Variants in SUMF1 observed in about 807,000 individuals in gnomAD.
SUMF1 encodes formylglycine-generating enzyme.
Under a neutral mutation model 47.6 loss-of-function variants are expected in SUMF1, and 48 were observed. The observed-to-expected ratio is 1.01, with a 90% confidence interval of 0.80 to 1.28. SUMF1 has a LOEUF of 1.28. SUMF1 is among the 50% of genes most tolerant of loss of function. SUMF1 has a pLI of 0.00. For missense variants in SUMF1, 571 were observed against 485.4 expected (o/e 1.18, Z -1.66); for synonymous variants, 230 against 192.1 (o/e 1.20, Z -1.63).
chr3:4,244,981 T>A (rs979728791), intron 8 of SUMF1, among the ~76,000 whole-genome samples: 6 of 152,096 alleles, frequency 3.9e-5, no homozygotes, highest in Admixed American at 2.0e-4. Context: ...CTTTATTTCA[T>A]TAATTTGATC....
intron 8 of SUMF1, among the ~76,000 whole-genome samples, chr3:4,340,881 T>C (rs140156298): frequency 0.015 from 2,247 of 152,354 alleles, 20 homozygotes; most frequent in Non-Finnish European, 0.021. Flanking sequence ...TTTGTTTTTT[T>C]ATTCCTGAAA....
chr3:4,312,776 G>C, intron 8 of SUMF1: 1 of 1,096,054 alleles, frequency 9.1e-7, no homozygotes, highest in Non-Finnish European at 1.3e-6. Flanking sequence ...GCTGTGTTTT[G>C]ACAGTTTTGT....
At chr3:4,435,314 T>C (rs944787440) in intron 3 of SUMF1, among the ~76,000 whole-genome samples, 1 of 151,898 alleles carries the variant, frequency 6.6e-6, no homozygotes. Context: ...TCAGAGAAAA[T>C]AGGGAACCTG....
chr3:4,256,843 T>G (rs1393815897), intron 8 of SUMF1, among the ~76,000 whole-genome samples: 1 of 112,724 alleles, frequency 8.9e-6, no homozygotes, highest in Non-Finnish European at 2.0e-5. Context: ...TTGATGAACA[T>G]TGATGCAAAA....
chr3:4,441,876 G>C (rs1255938600), intron 3 of SUMF1, among the ~76,000 whole-genome samples: 1 of 152,120 alleles, frequency 6.6e-6, no homozygotes, highest in East Asian at 1.9e-4. Flanking sequence ...GCCTCTCTAC[G>C]TATAAAACCA....
At chr3:4,152,171 A>T (rs1355776174) in intron 8 of SUMF1, among the ~76,000 whole-genome samples, 1 of 151,636 alleles carries the variant, frequency 6.6e-6, no homozygotes, top group Non-Finnish European at 1.5e-5. Flanking sequence ...GAACTGGAAA[A>T]ATTTTAATGT....
intron 8 of SUMF1, among the ~76,000 whole-genome samples, chr3:4,243,879 T>C (rs1221834256): frequency 1.3e-5 from 2 of 152,094 alleles, no homozygotes; most frequent in Non-Finnish European, 2.9e-5. Flanking sequence ...TCTCCGGTTA[T>C]TATGTAGGAA....
intron 8 of SUMF1, among the ~76,000 whole-genome samples, chr3:4,224,914 T>G (rs562310027): frequency 1.3e-5 from 2 of 152,138 alleles, no homozygotes; most frequent in Non-Finnish European, 2.9e-5. Flanking sequence ...TTCTATGGTC[T>G]GCACCACCAT....
intron 8 of SUMF1, among the ~76,000 whole-genome samples, chr3:4,136,708 T>C (rs1443280219): frequency 3.4e-5 from 5 of 148,654 alleles, no homozygotes; most frequent in Non-Finnish European, 7.5e-5. Context: ...GAGAAAATTT[T>C]TGCAATCTAC....
At chr3:4,210,019 C>T (rs1323552328) in intron 8 of SUMF1, among the ~76,000 whole-genome samples, 5 of 152,080 alleles carry the variant, frequency 3.3e-5, no homozygotes, top group Non-Finnish European at 5.9e-5. Context: ...CTCAGCCTCC[C>T]GAGTAGCTGA....
intron 8 of SUMF1, among the ~76,000 whole-genome samples, chr3:4,196,964 C>T (rs1651150631): frequency 6.6e-6 from 1 of 152,124 alleles, no homozygotes; most frequent in African/African-American, 2.4e-5. Flanking sequence ...TTACCAGGGA[C>T]ACTACAGCAA....
chr3:4,416,324 C>T (rs1478511151), intron 6 of SUMF1, among the ~76,000 whole-genome samples: 1 of 152,024 alleles, frequency 6.6e-6, no homozygotes, highest in African/African-American at 2.4e-5. Flanking sequence ...CAGAAATAAC[C>T]TGTTTCCAGT....
chr3:4,076,517 T>C (rs1473155978), intron 8 of SUMF1, among the ~76,000 whole-genome samples: 5 of 152,202 alleles, frequency 3.3e-5, no homozygotes, highest in African/African-American at 1.2e-4. Context: ...GTTAAAGAGC[T>C]TCTGCACAGC....
chr3:4,103,554 T>C (rs2125063575), intron 8 of SUMF1, among the ~76,000 whole-genome samples: 1 of 152,262 alleles, frequency 6.6e-6, no homozygotes, highest in South Asian at 2.1e-4. Context: ...TCTATCTCCC[T>C]TCTCGTATTT....
chr3:4,199,630 A>G (rs1013507217), intron 8 of SUMF1, among the ~76,000 whole-genome samples: 6 of 152,122 alleles, frequency 3.9e-5, no homozygotes, highest in African/African-American at 1.2e-4. Flanking sequence ...AATCTAAATA[A>G]CACATAGCAT....
chr3:4,386,184 T>C (rs889290233), intron 7 of SUMF1, among the ~76,000 whole-genome samples: 1 of 152,206 alleles, frequency 6.6e-6, no homozygotes, highest in African/African-American at 2.4e-5. Flanking sequence ...GGGATTTTGA[T>C]AGGAATTACA....
Position 4,259,718 on chromosome 3 carries a change from G to A in SUMF1, c.1014+116612C>T, listed in dbSNP as rs147796894. On this transcript the variant is annotated intron_variant and NMD_transcript_variant, in intron 8 of 12. Coordinates refer to the SUMF1 transcript ENST00000448413. ...CTTTGCCTAGAGCTCAGTAGTGAAA[G>A]CACAAAGCCTAATGGCAAAAGGCAA... Among the ~76,000 whole-genome samples, 281 of 152,220 alleles carry A rather than the reference G, an allele frequency of 1.8e-3. 2 individuals carry two copies. The highest frequency in any genetic ancestry group is 6.4e-3 in the African/African-American group (267 of 41,560).
At chr3:4,245,763 G>A (rs1575014615) in intron 8 of SUMF1, among the ~76,000 whole-genome samples, 1 of 152,178 alleles carries the variant, frequency 6.6e-6, no homozygotes, top group Non-Finnish European at 1.5e-5. Flanking sequence ...TAGAATGACT[G>A]CTCTCTTCAG....
intron 8 of SUMF1, among the ~76,000 whole-genome samples, chr3:4,185,383 T>G (rs1553607043): frequency 1.3e-5 from 2 of 152,322 alleles, no homozygotes; most frequent in East Asian, 1.9e-4. Flanking sequence ...TTTCATTGTT[T>G]TTTTGAATCT....
Sources: allele counts gnomAD v4.1 joint callset (sites outside exome capture counted in the v4.1 genomes callset), GRCh38; gene constraint gnomAD v4.1.1; transcripts MANE v1.5; gene names NCBI Gene and HGNC (gene_info 2026-07-23, HGNC 2026-07-21).